The following LRRC72 variants were observed in gnomAD, a reference collection of about 807,000 sequenced individuals.
The protein encoded by LRRC72 is leucine-rich repeat-containing protein 72.
Under a neutral mutation model 35.8 loss-of-function variants are expected in LRRC72, and 41 were observed. The observed-to-expected ratio is 1.15, with a 90% CI of 0.89 to 1.49. The LOEUF (loss-of-function observed/expected upper bound fraction) is 1.49, where lower values mean the gene tolerates loss of function less well. Ranked by LOEUF, LRRC72 falls within the 40% of genes most tolerant of loss-of-function variation. LRRC72 has a pLI of 0.00. For synonymous variants in LRRC72, 118 were observed against 119.2 expected (o/e 0.99, Z 0.07); for missense variants, 389 against 330.7 (o/e 1.18, Z -1.37).
In LRRC72 at chr7:16,581,117, A is replaced by G. The variant is rs116095846; in HGVS notation, c.699-207A>G. Among the ~76,000 whole-genome samples, 697 of 152,330 alleles carry G rather than the reference A, an allele frequency of 4.6e-3. 5 individuals carry two copies. The highest frequency in any genetic ancestry group is 0.016 in the African/African-American group (664 of 41,572). On this transcript the variant is annotated intron_variant, in intron 8 of 8. Coordinates refer to ENST00000401542, the MANE Select transcript of LRRC72 (RefSeq NM_001195280.2). ...CCAAATATGTTCAGATACTTTATTT[A>G]TAAAATAAACAATATATACAATAAA...
intron 5 of LRRC72, among the ~76,000 whole-genome samples, chr7:16,561,088 T>C (rs1240565459): frequency 6.6e-6 from 1 of 152,182 alleles, no homozygotes; most frequent in African/African-American, 2.4e-5. Context: ...TCAATAAATA[T>C]TTATAATCTA....
intron 7 of LRRC72, among the ~76,000 whole-genome samples, chr7:16,569,993 G>A (rs1782915443): frequency 6.6e-6 from 1 of 151,720 alleles, no homozygotes; most frequent in African/African-American, 2.4e-5. Context: ...TCACGCCATT[G>A]CACTCCAGCC....
Position 16,567,534 on chromosome 7 carries a change from G to C in LRRC72, c.661G>C (p.Val221Leu), listed in dbSNP as rs1782869591. 1 of 1,170,756 alleles carries C rather than the reference G, an allele frequency of 8.5e-7. No homozygotes were observed. Among genetic ancestry groups the C allele is most frequent in the Non-Finnish European group, 1.1e-6 (1 of 890,082 alleles). 72.5% of individuals were successfully genotyped at this position (1,170,756 alleles called of 1,614,324 possible). Residue 221 changes from valine to leucine, a missense_variant, in exon 7 of 9, where the codon GTA becomes CTA. Physicochemically the swap from Val to Leu is conservative, Grantham distance 32 (BLOSUM62 1). Transcript: ENST00000401542. ...ATTTAAGCAAAAACCAGCCCAGAGA[G>C]TACCTTCAGGTATTTCGTAAAAAAA... ...SPFKQKPAQR[V>L]PSDFAFANNV...
chr7:16,529,405 A>C (rs1782125755), intron 1 of LRRC72, among the ~76,000 whole-genome samples: 1 of 151,706 alleles, frequency 6.6e-6, no homozygotes, highest in Non-Finnish European at 1.5e-5. Flanking sequence ...CTTCATTTCT[A>C]CTGTGCTTCA....
chr7:16,557,010 G>A (rs1782660681), intron 3 of LRRC72, among the ~76,000 whole-genome samples: 1 of 152,204 alleles, frequency 6.6e-6, no homozygotes, highest in African/African-American at 2.4e-5. Flanking sequence ...GATATGTGGT[G>A]CTGGATCTAG....
At chr7:16,537,846 C>T in intron 3 of LRRC72, 150 bp downstream of exon 3, 1 of 530,236 alleles carries the variant, frequency 1.9e-6, no homozygotes, top group East Asian at 3.3e-5. Context: ...ATATCTGGTA[C>T]ATATATATAT....
chr7:16,555,177 T>C (rs1782629327), intron 3 of LRRC72, among the ~76,000 whole-genome samples: 1 of 152,210 alleles, frequency 6.6e-6, no homozygotes, highest in African/African-American at 2.4e-5. Context: ...TTACTAATGG[T>C]CTTCCAGGAG....
intron 7 of LRRC72, among the ~76,000 whole-genome samples, chr7:16,575,800 T>C (rs1419322470): frequency 6.6e-6 from 1 of 152,004 alleles, no homozygotes; most frequent in Non-Finnish European, 1.5e-5. Context: ...AGATAGAAAA[T>C]CTCCCCTCTT....
At chr7:16,548,118 T>C (rs1193490703) in intron 3 of LRRC72, among the ~76,000 whole-genome samples, 4 of 152,216 alleles carry the variant, frequency 2.6e-5, no homozygotes, top group Admixed American at 1.3e-4. Flanking sequence ...CTATCTTCTC[T>C]GCTGAGAGCT....
intron 2 of LRRC72, 32 bp downstream of exon 2, chr7:16,532,600 T>C: frequency 1.5e-6 from 2 of 1,365,582 alleles, no homozygotes; most frequent in South Asian, 2.5e-5. Context: ...AATGAAAGAG[T>C]ATCATGTTAT....
intron 3 of LRRC72, among the ~76,000 whole-genome samples, chr7:16,549,370 A>G (rs897322470): frequency 5.3e-5 from 8 of 152,196 alleles, no homozygotes; most frequent in Non-Finnish European, 1.0e-4. Flanking sequence ...GAGCTTGAGA[A>G]TCAAGTTCAG....
intron 7 of LRRC72, among the ~76,000 whole-genome samples, chr7:16,572,921 A>C (rs534800470): frequency 2.0e-5 from 3 of 152,302 alleles, no homozygotes; most frequent in African/African-American, 7.2e-5. Flanking sequence ...CTCAGCCCAA[A>C]ATCTCCTTAA....
chr7:16,576,353 G>T (rs1783040575), intron 7 of LRRC72, among the ~76,000 whole-genome samples: 1 of 152,002 alleles, frequency 6.6e-6, no homozygotes, highest in South Asian at 2.1e-4. Context: ...GTAATTCTAA[G>T]AGAAATATGA....
At chr7:16,581,076 C>G (rs947521806) in intron 8 of LRRC72, among the ~76,000 whole-genome samples, 1 of 152,088 alleles carries the variant, frequency 6.6e-6, no homozygotes, top group South Asian at 2.1e-4. Context: ...GAGATCTAAA[C>G]TGTAATAGTT....
intron 1 of LRRC72, among the ~76,000 whole-genome samples, chr7:16,531,804 T>C (rs1209395050): frequency 6.6e-6 from 1 of 152,206 alleles, no homozygotes; most frequent in African/African-American, 2.4e-5. Flanking sequence ...AAGTAAAGCA[T>C]TTAAATAGCT....
At chr7:16,560,394 T>C (rs1253148557) in intron 5 of LRRC72, among the ~76,000 whole-genome samples, 1 of 152,220 alleles carries the variant, frequency 6.6e-6, no homozygotes, top group Non-Finnish European at 1.5e-5. Context: ...ATAGTTAGAT[T>C]CTTTAAACCC....
intron 7 of LRRC72, among the ~76,000 whole-genome samples, chr7:16,571,138 G>C (rs1782936831): frequency 6.6e-6 from 1 of 152,094 alleles, no homozygotes; most frequent in African/African-American, 2.4e-5. Context: ...TGTTGTAGGT[G>C]CAGAGGAGCA....
chr7:16,579,200 T>C (rs1783098073), intron 7 of LRRC72, among the ~76,000 whole-genome samples: 1 of 152,228 alleles, frequency 6.6e-6, no homozygotes, highest in Admixed American at 6.5e-5. Context: ...AATGAATACG[T>C]ATATTAAAAC....
chr7:16,564,943 C>T (rs1016688009), intron 5 of LRRC72, among the ~76,000 whole-genome samples: 2 of 152,070 alleles, frequency 1.3e-5, no homozygotes, highest in Middle Eastern at 3.2e-3. Context: ...TATTTTCATG[C>T]CTTTATCAAA....
Sources: gnomAD v4.1 joint callset for allele counts (sites outside exome capture counted in the v4.1 genomes callset) on GRCh38, gnomAD v4.1.1 for gene constraint, MANE v1.5 for transcripts, NCBI Gene and HGNC (gene_info 2026-07-23, HGNC 2026-07-21) for gene names.